Variants in TMEM43 observed in about 807,000 individuals in gnomAD.
TMEM43 encodes arrhythmogenic right ventricular dysplasia 5.
Under a neutral mutation model 49.6 loss-of-function variants are expected in TMEM43, and 45 were observed. That is an observed-to-expected ratio of 0.91 (90% CI 0.71 to 1.16). The LOEUF is 1.16. TMEM43 is among the 50% of genes most tolerant of loss of function. The probability of loss-of-function intolerance (pLI) is 0.00; values close to 1 mark genes in which losing one functional copy is unlikely to be tolerated. For synonymous variants in TMEM43, 199 were observed against 207.8 expected, an observed-to-expected ratio of 0.96 and a Z score of 0.36; for missense variants, 532 against 516.6, an observed-to-expected ratio of 1.03 and a Z score of -0.29.
At chr3:14,127,620 A>G (rs530601007) in intron 1 of TMEM43, among the ~76,000 whole-genome samples, 1 of 152,276 alleles carries the variant, frequency 6.6e-6, no homozygotes, top group East Asian at 1.9e-4. Flanking sequence ...TCGTTATGAC[A>G]TCCCGCTCTT....
intron 6 of TMEM43, 52 bp from the exon 7 acceptor site, chr3:14,133,687 C>T (rs367549025): frequency 4.0e-5 from 62 of 1,565,176 alleles, no homozygotes; most frequent in Non-Finnish European, 4.9e-5. Flanking sequence ...CAAAGGGACC[C>T]GGGCAGCTCC....
chr3:14,136,533 C>G lies in TMEM43; in HGVS notation c.882+625C>G, dbSNP rs528475057. ...GTAGAACATCCGTTTCTGCAGTGAT[C>G]AAGCAGGGCCTCTGACAAGTGAGTT... is the stretch of plus-strand genomic sequence containing the variant. On this transcript the variant is annotated intron_variant, in intron 10 of 11. Coordinates refer to ENST00000306077, the MANE Select transcript of TMEM43 (RefSeq NM_024334.3). Among the ~76,000 whole-genome samples the G allele has an allele frequency of 2.0e-5, 3 of 152,298 alleles. No homozygotes were observed. The South Asian group carries it at 6.2e-4, about 32-fold the overall frequency.
chr3:14,140,506 C>T (rs1310259184), intron 11 of TMEM43, among the ~76,000 whole-genome samples: 1 of 152,120 alleles, frequency 6.6e-6, no homozygotes, highest in African/African-American at 2.4e-5. Flanking sequence ...TAAATACCAA[C>T]GTGTGTAAGA....
rs371706980 is a variant in TMEM43 at position 14,130,816 on chromosome 3, TC to T, written c.163-3del. 2,803 of 1,613,546 alleles carry T rather than the reference TC, an allele frequency of 1.7e-3. 68 individuals are homozygous for T. The South Asian group carries it at 0.029, about 17-fold the overall frequency. On this transcript the variant is annotated splice_polypyrimidine_tract_variant and splice_region_variant and intron_variant, in intron 2 of 11. Coordinates refer to ENST00000306077, the MANE Select transcript of TMEM43 (RefSeq NM_024334.3). The stretch of plus-strand genomic sequence containing the variant: ...TGTTGAAATCCCCACTCCCCTTTGC[TC>T]CCAGGGCCGCGCATTGAAGACGGCA...
intron 10 of TMEM43, among the ~76,000 whole-genome samples, chr3:14,136,706 T>TG (rs891453799): frequency 8.9e-5 from 11 of 123,500 alleles, no homozygotes; most frequent in Non-Finnish European, 1.3e-4. Flanking sequence ...AGGGAGTGGG[T>TG]GGGGGGGCTC....
chr3:14,138,328 C>T (rs1454456935), intron 10 of TMEM43, among the ~76,000 whole-genome samples: 1 of 152,070 alleles, frequency 6.6e-6, no homozygotes, highest in South Asian at 2.1e-4. Flanking sequence ...TGTGGCAGGG[C>T]TCTGGCAGGT....
Position 14,132,877 on chromosome 3 carries a change from A to C in TMEM43, c.454A>C (p.Arg152=), listed in dbSNP as rs1695115855. The change falls in exon 6 of 12, where the codon AGG becomes CGG. Residue 152 remains arginine, a synonymous_variant. Transcript: ENST00000306077. ...ETRYSYNTEW[R]SEIINSKNFD... is the part of the protein sequence containing the mutation. ...CTCTCCCTGAGCAGACACTGAATGG[A>C]GGTCAGAAATCATCAACAGCAAAAA... The C allele has an allele frequency of 6.2e-7, 1 of 1,613,870 alleles. No individual in the cohort carries two copies. Among genetic ancestry groups the C allele is most frequent in the African/African-American group, 1.3e-5 (1 of 74,898 alleles).
rs1362037546 is a variant in TMEM43 at position 14,142,827 on chromosome 3, A to C, written c.*1032A>C. On this transcript the variant is annotated 3_prime_UTR_variant, in exon 12 of 12. Coordinates refer to ENST00000306077, the MANE Select transcript of TMEM43 (RefSeq NM_024334.3). ...TCTGGCATCGGAAACTCCCCTATGC[A>C]CTTGAAGATGGTTTAAAAGATTAAA... 6.6e-6 allele frequency: 1 copy of C among 152,574 alleles called. No homozygotes were observed. Among genetic ancestry groups the C allele is most frequent in the Non-Finnish European group, 1.5e-5 (1 of 68,048 alleles). The allele number at this position is 152,574 out of a possible 1,614,324, so 9.5% of individuals were successfully genotyped here. A position where few individuals can be genotyped will look rare whatever the true frequency, so the allele number is the denominator to read the frequency against.
chr3:14,132,692 AGCACCAG>A, intron 5 of TMEM43, 97 bp downstream of exon 5: 2 of 1,473,060 alleles, frequency 1.4e-6, no homozygotes, highest in Non-Finnish European at 1.9e-6. Context: ...GGAAGGATTC[AGCACCAG>A]GCATCAGGAT....
rs779781472 is a variant in TMEM43, at chr3:14,130,887, C to G, written c.228C>G (p.Ser76Arg). ...EGLSLVVSPD[S>R]IHSVAPENEG... Reference sequence around the variant, plus strand: ...TCTCGCTTGTGGTGTCTCCCGACAGCATCCACAGTGTGGCTCCGGAGAATG... The same window carrying G: ...TCTCGCTTGTGGTGTCTCCCGACAGGATCCACAGTGTGGCTCCGGAGAATG... Residue 76 changes from serine to arginine, a missense_variant, in exon 3 of 12, where the codon AGC (serine) becomes AGG (arginine). Coordinates refer to ENST00000306077, the MANE Select transcript of TMEM43 (RefSeq NM_024334.3). The G allele has an allele frequency of 6.2e-7, 1 of 1,613,792 alleles. No individual in the cohort carries two copies. Among genetic ancestry groups the G allele is most frequent in the East Asian group, 2.2e-5 (1 of 44,876 alleles).
chr3:14,131,720 A>G (rs1695099728), intron 4 of TMEM43, 46 bp downstream of exon 4: 1 of 1,384,626 alleles, frequency 7.2e-7, no homozygotes, highest in East Asian at 2.3e-5. Flanking sequence ...GGAGGAGTGA[A>G]GTGTAGGTGT....
chr3:14,137,461 C>T (rs1695184916), intron 10 of TMEM43, among the ~76,000 whole-genome samples: 1 of 152,186 alleles, frequency 6.6e-6, no homozygotes, highest in Non-Finnish European at 1.5e-5. Flanking sequence ...CAGGCGGCCT[C>T]CTTACCCCCT....
Position 14,142,695 on chromosome 3 carries a change from T to G in TMEM43, c.*900T>G, listed in dbSNP as rs984060762. On this transcript the variant is annotated 3_prime_UTR_variant, in exon 12 of 12. Transcript: ENST00000306077. ...TGATAAAAAGTTACCTCTCAGTATT[T>G]TGTGTCACTGAGAAGCTTTACAATG... is the stretch of plus-strand genomic sequence containing the variant. 1 of 152,684 alleles carries G rather than the reference T, an allele frequency of 6.5e-6. No homozygotes were observed. Among genetic ancestry groups the G allele is most frequent in the Non-Finnish European group, 1.5e-5 (1 of 68,048 alleles). The allele number at this position is 152,684 out of a possible 1,614,324, so 9.5% of individuals were successfully genotyped here.
At position 14,142,371 on chromosome 3, in the gene TMEM43, G is replaced by C. The variant is rs1415021841; in HGVS notation, c.*576G>C. On this transcript the variant is annotated 3_prime_UTR_variant, in exon 12 of 12. Coordinates refer to ENST00000306077, the MANE Select transcript of TMEM43 (RefSeq NM_024334.3). Reference sequence around the variant, plus strand: ...ACCTGATGTGGTGTTTAAAAGAGAAGAAACACTGAAGATGTCCTGAGGAGA... The same window carrying C: ...ACCTGATGTGGTGTTTAAAAGAGAACAAACACTGAAGATGTCCTGAGGAGA... 1 of 159,612 alleles carries C rather than the reference G, an allele frequency of 6.3e-6. No individual in the cohort carries two copies. The highest frequency in any genetic ancestry group is 1.8e-4 in the East Asian group (1 of 5,528). 9.9% of individuals were successfully genotyped at this position (159,612 alleles called of 1,614,324 possible).
At chr3:14,131,521 T>C in intron 3 of TMEM43, 59 bp from the exon 4 acceptor site, 2 of 1,461,206 alleles carry the variant, frequency 1.4e-6, no homozygotes, top group Non-Finnish European at 1.9e-6. Context: ...GAGCCAGGCT[T>C]TCTGGGCTGA....
chr3:14,135,931 A>G (rs1409708771), intron 10 of TMEM43, 23 bp downstream of exon 10: 1 of 1,588,124 alleles, frequency 6.3e-7, no homozygotes, highest in African/African-American at 1.3e-5. Flanking sequence ...CCCTACTCGT[A>G]CGGTGGAGGA....
Position 14,138,806 on chromosome 3 carries a change from A to G in TMEM43, c.883-374A>G, listed in dbSNP as rs548231420. On this transcript the variant is annotated intron_variant, in intron 10 of 11. Transcript: ENST00000306077. ...GGTGCAGTGTCCCCAAGCCATGTGG[A>G]GAGGTTCTGAGATTAAACAGATCAC... Among the ~76,000 whole-genome samples the G allele has an allele frequency of 1.8e-4, 27 of 152,302 alleles. No individual in the cohort carries two copies. In the South Asian group the frequency reaches 5.2e-3, roughly 29 times the overall value.
rs547282330 is a variant in TMEM43 at position 14,141,517 on chromosome 3, C to A, written c.1001-76C>A. ...TGTAGCAACATGGGCCCATCCTCAT[C>A]TAGGGACAGGAGAGATCTGCTGAGC... On this transcript the variant is annotated intron_variant, in intron 11 of 11. Transcript: ENST00000306077. The A allele has an allele frequency of 1.2e-5, 17 of 1,406,988 alleles. No homozygotes were observed. The African/African-American group carries it at 2.3e-4, about 19-fold the overall frequency. The allele number at this position is 1,406,988 out of a possible 1,614,324, so 87.2% of individuals were successfully genotyped here. A position where few individuals can be genotyped will look rare whatever the true frequency, so the allele number is the denominator to read the frequency against.
rs1470227388 is a variant in TMEM43, at chr3:14,130,139, AT to A, written c.162+579del. Among the ~76,000 whole-genome samples, 13 of 146,760 alleles carry A rather than the reference AT, an allele frequency of 8.9e-5. No individual in the cohort carries two copies. In the South Asian group the frequency reaches 2.8e-3, roughly 32 times the overall value. On this transcript the variant is annotated intron_variant, in intron 2 of 11. Transcript: ENST00000306077. ...CTCTTTCTTTTTCTCCTTTTTTTTA[AT>A]AGGGCCTCATGATGCAACAGTATAT... is the stretch of plus-strand genomic sequence containing the variant.
Sources: gnomAD v4.1 joint callset for allele counts (sites outside exome capture counted in the v4.1 genomes callset) on GRCh38, gnomAD v4.1.1 for gene constraint, MANE v1.5 for transcripts, NCBI Gene and HGNC (gene_info 2026-07-23, HGNC 2026-07-21) for gene names.